Variants in KIF18A observed in about 807,000 individuals in gnomAD.
KIF18A encodes the protein kinesin family member 18A.
Under a neutral mutation model 103.3 loss-of-function variants are expected in KIF18A, and 67 were observed. That is an observed-to-expected ratio of 0.65 (90% confidence interval 0.53 to 0.79). The LOEUF (loss-of-function observed/expected upper bound fraction) is 0.79. KIF18A is among the 30% of genes least tolerant of loss of function. The pLI is 0.00. For synonymous variants in KIF18A, 367 were observed against 355.5 expected, an observed-to-expected ratio of 1.03 and a Z score of -0.36; for missense variants, 1,032 against 1,062.5, an observed-to-expected ratio of 0.97 and a Z score of 0.40.
chr11:28,106,551 CAAAA>C (rs11301094), intron 1 of KIF18A, among the ~76,000 whole-genome samples: 9 of 82,312 alleles, frequency 1.1e-4, no homozygotes, highest in South Asian at 3.8e-4. Flanking sequence ...CAGTTGTCAG[CAAAA>C]AAAAAAAAAA....
chr11:28,032,105 T>C (rs189775917), intron 15 of KIF18A, among the ~76,000 whole-genome samples: 4,412 of 115,814 alleles, frequency 0.038, 84 homozygotes, highest in Non-Finnish European at 0.052. Flanking sequence ...TGAAATAATT[T>C]GAAAAAAAAA....
intron 13 of KIF18A, among the ~76,000 whole-genome samples, chr11:28,046,969 G>T (rs754095824): frequency 6.8e-6 from 1 of 147,070 alleles, no homozygotes; most frequent in Non-Finnish European, 1.5e-5. Flanking sequence ...GAGGAGAATC[G>T]CTTGAACCTG....
chr11:28,047,489 G>A (rs1850651989), intron 13 of KIF18A, among the ~76,000 whole-genome samples: 1 of 151,854 alleles, frequency 6.6e-6, no homozygotes, highest in South Asian at 2.1e-4. Flanking sequence ...GTTACAATGG[G>A]GATCATCTTA....
At chr11:28,035,525 A>G in intron 14 of KIF18A, 31 bp from the exon 15 acceptor site, 1 of 1,295,486 alleles carries the variant, frequency 7.7e-7, no homozygotes, top group Non-Finnish European at 1.1e-6. Flanking sequence ...ATAAAAAATA[A>G]TAATTTTGAT....
chr11:28,105,999 G>T (rs1198777819), intron 1 of KIF18A, among the ~76,000 whole-genome samples: 5 of 152,190 alleles, frequency 3.3e-5, no homozygotes, highest in African/African-American at 1.2e-4. Context: ...GACGTAACAA[G>T]TGGGCAACCA....
intron 1 of KIF18A, among the ~76,000 whole-genome samples, chr11:28,102,467 C>A (rs955753509): frequency 1.3e-5 from 2 of 152,164 alleles, no homozygotes; most frequent in Non-Finnish European, 2.9e-5. Context: ...ATATAAAAAA[C>A]CACGCTGTAC....
chr11:28,024,191 T>TAAAAAA (rs60587483), intron 15 of KIF18A, among the ~76,000 whole-genome samples: 3 of 111,060 alleles, frequency 2.7e-5, no homozygotes, highest in South Asian at 2.9e-4. Flanking sequence ...CACAAGAGGT[T>TAAAAAA]AAAAAAAAAA....
Position 28,108,124 on chromosome 11 carries a change from A to G in KIF18A, c.-107T>C, listed in dbSNP as rs1419235081. On this transcript the variant is annotated 5_prime_UTR_variant, in exon 1 of 17. Coordinates refer to ENST00000263181, the MANE Select transcript of KIF18A (RefSeq NM_031217.4). ...AGGTTACCGCAACCACTTCACTTTA[A>G]TGTCCGCCTCCCAGCGCTTCAGACT... 1.3e-5 allele frequency: 2 copies of G among 152,382 alleles called. No homozygotes were observed. The highest frequency in any genetic ancestry group is 2.9e-5 in the Non-Finnish European group (2 of 68,226). 9.4% of individuals were successfully genotyped at this position (152,382 alleles called of 1,614,324 possible). A position where few individuals can be genotyped will look rare whatever the true frequency, so the allele number is the denominator to read the frequency against.
intron 13 of KIF18A, among the ~76,000 whole-genome samples, chr11:28,053,993 T>C (rs912181012): frequency 1.3e-5 from 2 of 151,838 alleles, no homozygotes; most frequent in Non-Finnish European, 2.9e-5. Flanking sequence ...GGAGGAGAGT[T>C]ATTTGGCAAT....
chr11:28,066,565 TA>T (rs1056549377), intron 11 of KIF18A, among the ~76,000 whole-genome samples: 4 of 151,358 alleles, frequency 2.6e-5, no homozygotes, highest in African/African-American at 9.7e-5. Flanking sequence ...ACACAACGTT[TA>T]AAAAAAACGT....
At chr11:28,032,952 G>T (rs573016241) in intron 15 of KIF18A, among the ~76,000 whole-genome samples, 1 of 151,812 alleles carries the variant, frequency 6.6e-6, no homozygotes, top group East Asian at 1.9e-4. Flanking sequence ...GAAAATACCT[G>T]CAAACTATCT....
rs146548683 is a variant in KIF18A at position 28,105,626 on chromosome 11, T to C, written c.-47+2438A>G. Among the ~76,000 whole-genome samples the C allele has an allele frequency of 3.8e-4, 58 of 152,276 alleles. 1 individual carries two copies. The highest frequency in any genetic ancestry group is 1.3e-3 in the African/African-American group (55 of 41,552). ...CCTATTTCCCCCAAAACTCAGCTTC[T>C]GGTACCACTCTCTTATATTTCCTTA... is the stretch of plus-strand genomic sequence containing the variant. On this transcript the variant is annotated intron_variant, in intron 1 of 16. Transcript: ENST00000263181.
chr11:28,044,139 T>C (rs1243885177), intron 13 of KIF18A, among the ~76,000 whole-genome samples: 1 of 152,046 alleles, frequency 6.6e-6, no homozygotes, highest in African/African-American at 2.4e-5. Context: ...TAACTGCTCC[T>C]TTGTTACCCT....
intron 13 of KIF18A, among the ~76,000 whole-genome samples, chr11:28,039,699 T>G (rs1315405162): frequency 6.6e-6 from 1 of 151,758 alleles, no homozygotes; most frequent in African/African-American, 2.4e-5. Flanking sequence ...ACTAACAATT[T>G]GTCAGTAAAA....
chr11:28,102,805 C>T (rs190287259), intron 1 of KIF18A, among the ~76,000 whole-genome samples: 1 of 152,168 alleles, frequency 6.6e-6, no homozygotes, highest in Non-Finnish European at 1.5e-5. Context: ...AATATACTTA[C>T]ATCTGCAGGA....
chr11:28,023,997 AT>A (rs1850280329), intron 15 of KIF18A, 147 bp from the exon 16 acceptor site: 2 of 469,152 alleles, frequency 4.3e-6, no homozygotes, highest in South Asian at 4.3e-5. Context: ...TACTAAATAC[AT>A]TTTTGGCCCA....
chr11:28,036,643 T>C lies in KIF18A; in HGVS notation c.1970A>G (p.Asn657Ser), dbSNP rs765377739. ...TTTTTCTGTAGGAATCTTAACCAGA[T>C]TAGTTCCACCTGAAGATGAGCCTAT... ...IPCCSSSGGTNLVKIPTEKRT... is the reference protein window; with the variant it reads ...IPCCSSSGGTSLVKIPTEKRT... Residue 657 changes from asparagine to serine, a missense_variant, in exon 14 of 17, where the codon AAT becomes AGT. Coordinates refer to ENST00000263181, the MANE Select transcript of KIF18A (RefSeq NM_031217.4). 2 of 1,602,832 alleles carry C rather than the reference T, an allele frequency of 1.2e-6. No homozygotes were observed. Among genetic ancestry groups the C allele is most frequent in the Non-Finnish European group, 1.7e-6 (2 of 1,173,514 alleles).
chr11:28,087,126 G>A (rs1003750353), intron 6 of KIF18A, among the ~76,000 whole-genome samples: 2 of 152,016 alleles, frequency 1.3e-5, no homozygotes, highest in East Asian at 1.9e-4. Context: ...TGTGCAGAAC[G>A]TGCAGGTTTC....
intron 8 of KIF18A, 59 bp downstream of exon 8, chr11:28,083,110 A>G: frequency 6.5e-7 from 1 of 1,548,890 alleles, no homozygotes; most frequent in Non-Finnish European, 8.7e-7. Flanking sequence ...AATTAAGATT[A>G]TAAAATTCTA....
Sources: gnomAD v4.1 joint callset for allele counts (sites outside exome capture counted in the v4.1 genomes callset) on GRCh38, gnomAD v4.1.1 for gene constraint, MANE v1.5 for transcripts, NCBI Gene and HGNC (gene_info 2026-07-23, HGNC 2026-07-21) for gene names.